ZNF74: variants seen among roughly 807,000 people sequenced by gnomAD.
The protein encoded by ZNF74 is zinc finger protein 74.
ZNF74 carries 12 observed loss-of-function variants against 17.7 expected under a neutral mutation model. The observed-to-expected ratio is 0.68, with a 90% CI of 0.43 to 1.10. ZNF74 has a LOEUF of 1.10. ZNF74 is among the 50% of genes least tolerant of loss of function. The pLI is 0.00. For synonymous variants in ZNF74, 358 were observed against 362.1 expected, an observed-to-expected ratio of 0.99 and a Z score of 0.13; for missense variants, 811 against 881.0, an observed-to-expected ratio of 0.92 and a Z score of 1.01.
At chr22:20,399,550 A>G in intron 2 of ZNF74, 2 of 397,212 alleles carry the variant, frequency 5.0e-6, no homozygotes, top group Non-Finnish European at 9.7e-6. Context: ...GTAATTATTA[A>G]TATGGTTGGA....
chr22:20,406,144 C>G lies in ZNF74; in HGVS notation c.1111C>G (p.Gln371Glu). Reference protein sequence around the residue: ...RCGECGKAFNQRTHLTRHHRI... With the variant: ...RCGECGKAFNERTHLTRHHRI... ...CGGCGAGTGCGGCAAGGCCTTCAAC[C>G]AGCGTACACACCTCACACGCCACCA... The change falls in exon 5 of 5, where the codon CAG becomes GAG. Residue 371 changes from glutamine to glutamate, a missense_variant. Gln to Glu is a conservative substitution (Grantham distance 29). Coordinates refer to ENST00000400451, the MANE Select transcript of ZNF74 (RefSeq NM_003426.4). 6.2e-7 allele frequency: 1 copy of G among 1,609,378 alleles called. No homozygotes were observed.
intron 4 of ZNF74, among the ~76,000 whole-genome samples, chr22:20,404,856 C>G (rs1317073741): frequency 6.6e-6 from 1 of 152,176 alleles, no homozygotes; most frequent in Non-Finnish European, 1.5e-5. Context: ...CGGAGAATGG[C>G]GTGAACCTGG....
At chr22:20,395,293 G>A in intron 1 of ZNF74, 40 bp from the exon 2 acceptor site, 1 of 1,506,120 alleles carries the variant, frequency 6.6e-7, no homozygotes. Flanking sequence ...TCAGCCGTGA[G>A]CCTGGTAGCC....
At position 20,405,512 on chromosome 22, in the gene ZNF74, A is replaced by G. The variant is rs2052405040; in HGVS notation, c.479A>G (p.Gln160Arg). The change falls in exon 5 of 5, where the codon CAG becomes CGG. Residue 160 changes from glutamine to arginine, a missense_variant. This residue lies in a region of ZNF74 where 666 missense variants were observed against 702.3 expected (regional missense o/e 0.95). Coordinates refer to ENST00000400451, the MANE Select transcript of ZNF74 (RefSeq NM_003426.4). ...GRQAGALQRS[Q>R]AAPWAPAPAM... The stretch of plus-strand genomic sequence containing the variant: ...CAGGCAGGTGCTCTGCAGAGGAGTC[A>G]GGCTGCGCCCTGGGCGCCCGCACCT... The G allele has an allele frequency of 1.9e-6, 3 of 1,604,398 alleles. No homozygotes were observed. The highest frequency in any genetic ancestry group is 1.7e-5 in the Admixed American group (1 of 57,892).
chr22:20,395,053 T>C (rs933168592), intron 1 of ZNF74: 15 of 454,436 alleles, frequency 3.3e-5, no homozygotes. Context: ...GCTCCTGGCC[T>C]CCTGCTTCTT....
Position 20,405,673 on chromosome 22 carries a change from C to G in ZNF74, c.640C>G (p.Pro214Ala). ...GGCCACTGAGGGCAGAACCAAGGCC[C>G]CCGCGAGACTGTGTGCAGGGGAAAA... ...VQATEGRTKA[P>A]ARLCAGENAS... is the part of the protein sequence containing the mutation. Residue 214 changes from proline to alanine, a missense_variant, in exon 5 of 5, where the codon CCC becomes GCC. Transcript: ENST00000400451. The G allele has an allele frequency of 6.2e-7, 1 of 1,610,940 alleles. No individual in the cohort carries two copies. The highest frequency in any genetic ancestry group is 8.5e-7 in the Non-Finnish European group (1 of 1,178,702).
In ZNF74 at chr22:20,394,476, G is replaced by C; in HGVS notation, c.-153G>C. 1 of 741,148 alleles carries C rather than the reference G, an allele frequency of 1.3e-6. No individual in the cohort carries two copies. 45.9% of individuals were successfully genotyped at this position (741,148 alleles called of 1,614,324 possible). On this transcript the variant is annotated 5_prime_UTR_variant, in exon 1 of 5. Coordinates refer to ENST00000400451, the MANE Select transcript of ZNF74 (RefSeq NM_003426.4). ...CGGGCGCGGGGAGGGGGCTCCGTGC[G>C]TGTGATCGTGCAGCTGTGAGCGCGT...
chr22:20,403,124 G>C (rs1241712073), intron 4 of ZNF74, among the ~76,000 whole-genome samples: 2 of 151,958 alleles, frequency 1.3e-5, no homozygotes, highest in South Asian at 4.1e-4. Context: ...CTGCTGTGTT[G>C]TTGGCCCTAT....
At position 20,407,230 on chromosome 22, in the gene ZNF74, T is replaced by C. The variant is rs751199152; in HGVS notation, c.*262T>C. On this transcript the variant is annotated 3_prime_UTR_variant, in exon 5 of 5. Coordinates refer to ENST00000400451, the MANE Select transcript of ZNF74 (RefSeq NM_003426.4). ...TTTTCCTTGATGGGCCTGGAAGTTG[T>C]TGACAAGGGGAAAGATCTTTCTTGC... is the stretch of plus-strand genomic sequence containing the variant. 3 of 497,248 alleles carry C rather than the reference T, an allele frequency of 6.0e-6. No homozygotes were observed. Among genetic ancestry groups the C allele is most frequent in the Admixed American group, 7.5e-5 (2 of 26,712 alleles). 30.8% of individuals were successfully genotyped at this position (497,248 alleles called of 1,614,324 possible). A position where few individuals can be genotyped will look rare whatever the true frequency, so the allele number is the denominator to read the frequency against.
rs559844020 is a variant in ZNF74, at chr22:20,407,184, T to C, written c.*216T>C. The C allele has an allele frequency of 3.7e-5, 24 of 646,526 alleles. No homozygotes were observed. The South Asian group carries it at 4.9e-4, about 13-fold the overall frequency. 40.0% of individuals were successfully genotyped at this position (646,526 alleles called of 1,614,324 possible). A position where few individuals can be genotyped will look rare whatever the true frequency, so the allele number is the denominator to read the frequency against. On this transcript the variant is annotated 3_prime_UTR_variant, in exon 5 of 5. Coordinates refer to ENST00000400451, the MANE Select transcript of ZNF74 (RefSeq NM_003426.4). The stretch of plus-strand genomic sequence containing the variant: ...CTCCAGGAGGAGTGTTGAGAGTCAT[T>C]TGAGGTAGTCTTGCCACCTGTTTTC...
In ZNF74 at chr22:20,406,205, G is replaced by A. The variant is rs2052423377; in HGVS notation, c.1172G>A (p.Gly391Asp). ...ACGGGCGAGAAGCCCTACCAGTGCG[G>A]CTCCTGCGGCAAGGCCTTCACCTGC... is the stretch of plus-strand genomic sequence containing the variant. Reference protein sequence around the residue: ...IHTGEKPYQCGSCGKAFTCHS... With the variant: ...IHTGEKPYQCDSCGKAFTCHS... The change falls in exon 5 of 5, where the codon GGC becomes GAC. Residue 391 changes from glycine to aspartate, a missense_variant. By Grantham distance (94) the Gly-to-Asp change is moderately conservative. This residue lies in a region of ZNF74 where 666 missense variants were observed against 702.3 expected (regional missense o/e 0.95). Coordinates refer to ENST00000400451, the MANE Select transcript of ZNF74 (RefSeq NM_003426.4). The A allele has an allele frequency of 1.2e-6, 2 of 1,611,034 alleles. No individual in the cohort carries two copies. Among genetic ancestry groups the A allele is most frequent in the Non-Finnish European group, 1.7e-6 (2 of 1,179,400 alleles).
At position 20,394,265 on chromosome 22, in the gene ZNF74, C is replaced by T. The variant is rs1430184364; in HGVS notation, c.-364C>T. 3 of 706,494 alleles carry T rather than the reference C, an allele frequency of 4.2e-6. No individual in the cohort carries two copies. Among genetic ancestry groups the T allele is most frequent in the Admixed American group, 2.0e-5 (1 of 49,714 alleles). 43.8% of individuals were successfully genotyped at this position (706,494 alleles called of 1,614,324 possible). A position where few individuals can be genotyped will look rare whatever the true frequency, so the allele number is the denominator to read the frequency against. Reference sequence around the variant, plus strand: ...GTCTCTGTCCGCTTCGGGACCTGTCCGCTGGTCGCTCCGCGTCCGATGGCT... The same window carrying T: ...GTCTCTGTCCGCTTCGGGACCTGTCTGCTGGTCGCTCCGCGTCCGATGGCT... On this transcript the variant is annotated 5_prime_UTR_variant, in exon 1 of 5. Coordinates refer to ENST00000400451, the MANE Select transcript of ZNF74 (RefSeq NM_003426.4).
rs926455279 is a variant in ZNF74, at chr22:20,406,603, G to A, written c.1570G>A (p.Gly524Ser). The A allele has an allele frequency of 6.2e-7, 1 of 1,614,240 alleles. No homozygotes were observed. The part of the protein sequence containing the change: ...SLIVHQRIHT[G>S]EKPYKCSECG... The stretch of plus-strand genomic sequence containing the variant: ...CATCGTGCACCAGCGCATCCACACC[G>A]GTGAGAAGCCCTACAAGTGCAGCGA... Residue 524 changes from glycine to serine, a missense_variant, in exon 5 of 5, where the codon GGT becomes AGT. Physicochemically the swap from Gly to Ser is moderately conservative, Grantham distance 56 (BLOSUM62 0). Around this residue, in one of 3 missense-constraint regions of ZNF74, gnomAD observed 30 missense variants for 59.2 expected, o/e 0.51. Coordinates refer to ENST00000400451, the MANE Select transcript of ZNF74 (RefSeq NM_003426.4).
intron 2 of ZNF74, among the ~76,000 whole-genome samples, chr22:20,398,953 A>C (rs1186397272): frequency 1.3e-5 from 2 of 152,134 alleles, no homozygotes; most frequent in Non-Finnish European, 2.9e-5. Context: ...GTGTTGTTTC[A>C]TTTCCTAATA....
Position 20,394,338 on chromosome 22 carries a change from C to G in ZNF74, c.-291C>G. 1 of 695,582 alleles carries G rather than the reference C, an allele frequency of 1.4e-6. No individual in the cohort carries two copies. Among genetic ancestry groups the G allele is most frequent in the Non-Finnish European group, 2.7e-6 (1 of 376,496 alleles). 43.1% of individuals were successfully genotyped at this position (695,582 alleles called of 1,614,324 possible). Reference sequence around the variant, plus strand: ...TGGCCCTGGTCTCCGAGCGCGGGTTCGCCGGGAGGAGCGTGTGGCGGGGGT... The same window carrying G: ...TGGCCCTGGTCTCCGAGCGCGGGTTGGCCGGGAGGAGCGTGTGGCGGGGGT... On this transcript the variant is annotated 5_prime_UTR_variant, in exon 1 of 5. Coordinates refer to ENST00000400451, the MANE Select transcript of ZNF74 (RefSeq NM_003426.4).
intron 2 of ZNF74, among the ~76,000 whole-genome samples, chr22:20,397,047 C>T (rs1601265295): frequency 6.6e-6 from 1 of 151,226 alleles, no homozygotes. Context: ...ATTCTGATAC[C>T]TGTGGAGCTA....
intron 2 of ZNF74, among the ~76,000 whole-genome samples, chr22:20,398,948 G>A (rs1435248655): frequency 6.6e-6 from 1 of 152,054 alleles, no homozygotes; most frequent in Admixed American, 6.6e-5. Context: ...AGAATGTGTT[G>A]TTTCATTTCC....
At position 20,394,339 on chromosome 22, in the gene ZNF74, G is replaced by A. The variant is rs1569089811; in HGVS notation, c.-290G>A. ...GGCCCTGGTCTCCGAGCGCGGGTTC[G>A]CCGGGAGGAGCGTGTGGCGGGGGTG... is the stretch of plus-strand genomic sequence containing the variant. On this transcript the variant is annotated 5_prime_UTR_variant, in exon 1 of 5. Coordinates refer to ENST00000400451, the MANE Select transcript of ZNF74 (RefSeq NM_003426.4). 3 of 695,150 alleles carry A rather than the reference G, an allele frequency of 4.3e-6. No homozygotes were observed. The highest frequency in any genetic ancestry group is 1.5e-5 in the South Asian group (1 of 66,424). The allele number at this position is 695,150 out of a possible 1,614,324, so 43.1% of individuals were successfully genotyped here.
intron 2 of ZNF74, chr22:20,399,534 T>C: frequency 2.6e-6 from 1 of 384,628 alleles, no homozygotes; most frequent in Admixed American, 3.6e-5. Context: ...ACTATTCGCA[T>C]TTAGTGTAAT....
Sources: gnomAD v4.1 joint callset for allele counts (sites outside exome capture counted in the v4.1 genomes callset) on GRCh38, gnomAD v4.1.1 for gene constraint, gnomAD v4.1.1 regional missense constraint, MANE v1.5 for transcripts, NCBI Gene and HGNC (gene_info 2026-07-23, HGNC 2026-07-21) for gene names.